The following MAPK14 variants were observed in gnomAD, a reference collection of about 807,000 sequenced individuals.
The protein encoded by MAPK14 is mitogen-activated protein kinase 14.
A neutral mutation model predicts 49.6 loss-of-function variants in MAPK14; 16 were observed. The ratio of observed to expected loss-of-function variants is 0.32; its 90% CI spans 0.22 to 0.49. MAPK14 has a LOEUF of 0.49. MAPK14 is among the 20% of genes least tolerant of loss of function. The pLI is 0.99. For missense variants in MAPK14, 200 were observed against 441.2 expected, an observed-to-expected ratio of 0.45 and a Z score of 4.90; for synonymous variants, 142 against 158.0, an observed-to-expected ratio of 0.90 and a Z score of 0.76.
At chr6:36,040,952 C>T (rs1294120240) in intron 1 of MAPK14, among the ~76,000 whole-genome samples, 4 of 152,140 alleles carry the variant, frequency 2.6e-5, no homozygotes, top group African/African-American at 7.2e-5. Flanking sequence ...AAGGTTCTTG[C>T]ATCTGGGAAG....
chr6:36,037,323 G>C (rs58390233), intron 1 of MAPK14, among the ~76,000 whole-genome samples: 2 of 152,000 alleles, frequency 1.3e-5, no homozygotes, highest in Non-Finnish European at 2.9e-5. Flanking sequence ...ATTTATTATA[G>C]GGAAGAAGAA....
the MAPK14 span, among the ~76,000 whole-genome samples, chr6:36,117,493 C>T: frequency 6.6e-6 from 1 of 152,196 alleles, no homozygotes; most frequent in African/African-American, 2.4e-5. Flanking sequence ...CATTCCCAAG[C>T]CTGGATTAGC....
At chr6:36,073,325 A>G (rs1764383871) in intron 4 of MAPK14, among the ~76,000 whole-genome samples, 1 of 152,210 alleles carries the variant, frequency 6.6e-6, no homozygotes, top group Admixed American at 6.5e-5. Flanking sequence ...ATGTAATCTA[A>G]TATCTGGTCA....
intron 8 of MAPK14, 29 bp downstream of exon 8, chr6:36,076,637 T>G (rs1477183928): frequency 1.3e-6 from 2 of 1,554,822 alleles, no homozygotes; most frequent in South Asian, 1.1e-5. Flanking sequence ...TGGATTCTTG[T>G]TTCTTATCTG....
chr6:36,061,843 T>C (rs575082189), intron 3 of MAPK14, among the ~76,000 whole-genome samples: 1 of 152,366 alleles, frequency 6.6e-6, no homozygotes, highest in South Asian at 2.1e-4. Flanking sequence ...ACTTCTGAAG[T>C]GTTTTAAATT....
chr6:36,081,012 C>G (rs1367518674), intron 8 of MAPK14, among the ~76,000 whole-genome samples: 1 of 151,988 alleles, frequency 6.6e-6, no homozygotes, highest in African/African-American at 2.4e-5. Context: ...CTTGCCTATT[C>G]TTAATTAGGT....
intron 3 of MAPK14, among the ~76,000 whole-genome samples, chr6:36,062,453 A>G (rs1364744953): frequency 6.6e-6 from 1 of 152,136 alleles, no homozygotes; most frequent in Non-Finnish European, 1.5e-5. Flanking sequence ...TGCACCTCCT[A>G]AAAGTATTCA....
the MAPK14 span, among the ~76,000 whole-genome samples, chr6:36,117,053 C>T: frequency 1.3e-5 from 2 of 152,166 alleles, no homozygotes; most frequent in Non-Finnish European, 2.9e-5. Flanking sequence ...CATAAGGACT[C>T]CCTGGCTGCT....
intron 10 of MAPK14, among the ~76,000 whole-genome samples, chr6:36,105,100 A>C (rs1369343454): frequency 6.6e-6 from 1 of 152,346 alleles, no homozygotes; most frequent in Admixed American, 6.5e-5. Context: ...CGTGCCCAGC[A>C]TATTAACTGA....
chr6:36,091,926 A>C, intron 8 of MAPK14: 1 of 211,876 alleles, frequency 4.7e-6, no homozygotes, highest in Middle Eastern at 1.1e-3. Context: ...AGTTGAATAC[A>C]AAGCCTTTGT....
intron 9 of MAPK14, chr6:36,100,293 A>G (rs199518472): frequency 8.0e-5 from 123 of 1,532,524 alleles, no homozygotes; most frequent in Non-Finnish European, 1.1e-4. Context: ...CTGTACAGGG[A>G]TGTCGCACTG....
intron 9 of MAPK14, 41 bp from the exon 10 acceptor site, chr6:36,102,530 A>G (rs41271267): frequency 9.7e-5 from 142 of 1,466,570 alleles, no homozygotes; most frequent in Non-Finnish European, 7.3e-5. Context: ...GAGCAGTAAC[A>G]TTATTGAACA....
intron 2 of MAPK14, among the ~76,000 whole-genome samples, chr6:36,056,809 A>G (rs1763607141): frequency 6.6e-6 from 1 of 152,232 alleles, no homozygotes; most frequent in Admixed American, 6.5e-5. Context: ...CATTGATTAG[A>G]AAATATTGGA....
At chr6:36,039,695 G>A (rs1321838920) in intron 1 of MAPK14, among the ~76,000 whole-genome samples, 1 of 152,092 alleles carries the variant, frequency 6.6e-6, no homozygotes, top group Non-Finnish European at 1.5e-5. Context: ...AAAAAAGAAG[G>A]GTCCCTCCTT....
the MAPK14 span, among the ~76,000 whole-genome samples, chr6:36,116,534 T>C: frequency 3.9e-5 from 6 of 152,182 alleles, no homozygotes; most frequent in Admixed American, 1.3e-4. Context: ...TCCAGCAGGA[T>C]GTTTGTAATG....
intron 8 of MAPK14, among the ~76,000 whole-genome samples, chr6:36,085,976 A>G (rs1212296404): frequency 1.3e-5 from 2 of 152,218 alleles, no homozygotes; most frequent in Non-Finnish European, 2.9e-5. Flanking sequence ...CCACAGCACA[A>G]TCAAATTAGA....
rs1211811741 is a variant in MAPK14 at position 36,073,949 on chromosome 6, G to A, written c.448-100G>A. On this transcript the variant is annotated intron_variant, in intron 5 of 11. Transcript: ENST00000229794. ...GATGGAGATTGTCTTTTGATAGCTGGATGAAGTCTTTTATGTCTGGATCCT... is the reference window on the plus strand; with the variant it reads ...GATGGAGATTGTCTTTTGATAGCTGAATGAAGTCTTTTATGTCTGGATCCT... 4 of 980,848 alleles carry A rather than the reference G, an allele frequency of 4.1e-6. No homozygotes were observed. The East Asian group carries it at 9.6e-5, about 24-fold the overall frequency. 60.8% of individuals were successfully genotyped at this position (980,848 alleles called of 1,614,324 possible). A position where few individuals can be genotyped will look rare whatever the true frequency, so the allele number is the denominator to read the frequency against.
At chr6:36,093,164 G>A (rs1765306059) in intron 8 of MAPK14, among the ~76,000 whole-genome samples, 1 of 152,130 alleles carries the variant, frequency 6.6e-6, no homozygotes, top group Admixed American at 6.5e-5. Context: ...GCTTAGAAGT[G>A]CCTGGAATAT....
At chr6:36,064,064 TTG>T (rs112138637) in intron 3 of MAPK14, among the ~76,000 whole-genome samples, 62,269 of 149,470 alleles carry the variant, frequency 0.42, 14,313 homozygotes, top group South Asian at 0.59. Flanking sequence ...TGCCTTTTCT[TTG>T]TGTGTGTGTG....
Sources: allele counts gnomAD v4.1 joint callset (sites outside exome capture counted in the v4.1 genomes callset), GRCh38; gene constraint gnomAD v4.1.1; transcripts MANE v1.5; gene names NCBI Gene and HGNC (gene_info 2026-07-23, HGNC 2026-07-21).